JMJD1C: variants seen among roughly 807,000 people sequenced by gnomAD.
The protein encoded by JMJD1C is jumonji domain-containing protein 1C.
JMJD1C carries 31 observed loss-of-function variants against 245.3 expected under a neutral mutation model. The observed-to-expected ratio is 0.13, with a 90% confidence interval of 0.09 to 0.17. JMJD1C has a LOEUF of 0.17. Among genes scored for constraint, JMJD1C ranks in the 10% least tolerant of loss-of-function variants. JMJD1C has a pLI of 1.00. For missense variants in JMJD1C, 2,691 were observed against 3,000.2 expected (o/e 0.90, Z 2.41); for synonymous variants, 1,057 against 1,017.4 (o/e 1.04, Z -0.74).
intron 2 of JMJD1C, among the ~76,000 whole-genome samples, chr10:63,275,005 G>C (rs758035740): frequency 6.6e-6 from 1 of 152,038 alleles, no homozygotes; most frequent in Non-Finnish European, 1.5e-5. Context: ...AGACCAGCCT[G>C]GGCAACATTG....
intron 2 of JMJD1C, among the ~76,000 whole-genome samples, chr10:63,314,707 G>C (rs1229275674): frequency 6.6e-6 from 1 of 151,724 alleles, no homozygotes; most frequent in Admixed American, 6.6e-5. Flanking sequence ...GAGTGTAATG[G>C]TGCGAGCTCA....
intron 3 of JMJD1C, among the ~76,000 whole-genome samples, chr10:63,250,351 G>A (rs188160911): frequency 8.5e-5 from 13 of 152,170 alleles, no homozygotes; most frequent in African/African-American, 2.2e-4. Context: ...AGATAAGTAC[G>A]TATATTTATA....
At chr10:63,427,311 CCT>C in intron 1 of JMJD1C, 1 of 910,042 alleles carries the variant, frequency 1.1e-6, no homozygotes, top group Admixed American at 2.2e-5. Context: ...TGAAGTATTT[CCT>C]GGGCCAGGGC....
intron 2 of JMJD1C, among the ~76,000 whole-genome samples, chr10:63,295,811 T>C (rs1046691230): frequency 6.6e-6 from 1 of 151,794 alleles, no homozygotes; most frequent in Admixed American, 6.6e-5. Context: ...AATGAGCCCC[T>C]TGTCACATTT....
intron 1 of JMJD1C, among the ~76,000 whole-genome samples, chr10:63,388,637 G>T (rs546001016): frequency 6.6e-6 from 1 of 152,108 alleles, no homozygotes; most frequent in Non-Finnish European, 1.5e-5. Flanking sequence ...TTAACAAGAA[G>T]AGAGAAAGGA....
intron 3 of JMJD1C, among the ~76,000 whole-genome samples, chr10:63,221,209 C>T (rs1848565341): frequency 6.6e-6 from 1 of 151,668 alleles, no homozygotes; most frequent in Non-Finnish European, 1.5e-5. Flanking sequence ...AATTTGGCAA[C>T]TTTGAAAAGC....
intron 2 of JMJD1C, among the ~76,000 whole-genome samples, chr10:63,293,655 G>A (rs1859038476): frequency 6.6e-6 from 1 of 152,008 alleles, no homozygotes; most frequent in South Asian, 2.1e-4. Context: ...TCAAAGTAAT[G>A]GCCCAATTAT....
intron 13 of JMJD1C, among the ~76,000 whole-genome samples, chr10:63,195,922 C>CT (rs1411570074): frequency 1.3e-5 from 2 of 148,358 alleles, no homozygotes; most frequent in African/African-American, 5.0e-5. Flanking sequence ...GAGTGAGACT[C>CT]TGTCTCAAAA....
chr10:63,222,186 T>C, intron 3 of JMJD1C: 1 of 753,174 alleles, frequency 1.3e-6, no homozygotes, highest in Non-Finnish European at 2.5e-6. Flanking sequence ...GATATTGTTA[T>C]CAACTTGACT....
chr10:63,301,676 G>C, intron 2 of JMJD1C: 1 of 417,702 alleles, frequency 2.4e-6, no homozygotes, highest in Admixed American at 2.7e-5. Context: ...GACAAGGGGA[G>C]AGAGAGCATT....
At chr10:63,493,729 G>T (rs1339984769) in intron 1 of JMJD1C, among the ~76,000 whole-genome samples, 1 of 152,068 alleles carries the variant, frequency 6.6e-6, no homozygotes, top group Non-Finnish European at 1.5e-5. Context: ...TTCTCTTTTT[G>T]AACATAAATT....
rs4439410 is a variant in JMJD1C, at chr10:63,239,012, C to T, written c.448-19029G>A. 5.9e-5 allele frequency among the ~76,000 whole-genome samples: 9 copies of T among 152,160 alleles called. No homozygotes were observed. The South Asian group carries it at 1.9e-3, about 32-fold the overall frequency. On this transcript the variant is annotated intron_variant, in intron 3 of 25. Coordinates refer to ENST00000399262, the MANE Select transcript of JMJD1C (RefSeq NM_032776.3). ...ACAAAGGTGAGACAAAATGGGTTGG[C>T]GGGTGACCTAGTTAGGTGTGTCAGG...
chr10:63,266,865 A>G (rs1471436967), intron 2 of JMJD1C, among the ~76,000 whole-genome samples: 1 of 152,174 alleles, frequency 6.6e-6, no homozygotes, highest in Non-Finnish European at 1.5e-5. Flanking sequence ...TTATAATATG[A>G]AAAACATTCT....
chr10:63,281,333 G>GTT (rs113174517), intron 2 of JMJD1C, among the ~76,000 whole-genome samples: 26 of 144,248 alleles, frequency 1.8e-4, no homozygotes, highest in African/African-American at 6.6e-4. Flanking sequence ...TTTGTTTTTT[G>GTT]TTTTTTTAGT....
intron 1 of JMJD1C, among the ~76,000 whole-genome samples, chr10:63,455,159 G>A (rs188744315): frequency 4.6e-5 from 7 of 152,262 alleles, no homozygotes; most frequent in South Asian, 2.1e-4. Flanking sequence ...TAGGCTGATC[G>A]GGGCAGGTGT....
At chr10:63,481,958 G>T (rs1289401342) in intron 1 of JMJD1C, among the ~76,000 whole-genome samples, 1 of 152,168 alleles carries the variant, frequency 6.6e-6, no homozygotes, top group Admixed American at 6.5e-5. Flanking sequence ...TCATCTAGAT[G>T]TATGACGAAC....
At chr10:63,383,315 G>C (rs1316915832) in intron 1 of JMJD1C, among the ~76,000 whole-genome samples, 2 of 151,996 alleles carry the variant, frequency 1.3e-5, no homozygotes, top group African/African-American at 4.8e-5. Flanking sequence ...ACTGGTCAAG[G>C]AGTTAACATC....
intron 2 of JMJD1C, among the ~76,000 whole-genome samples, chr10:63,345,755 T>C (rs1163163426): frequency 6.6e-6 from 1 of 152,180 alleles, no homozygotes; most frequent in Non-Finnish European, 1.5e-5. Context: ...CCTGAGTCTA[T>C]GAATTTGCCC....
At chr10:63,179,712 G>A (rs1843242970) in intron 22 of JMJD1C, among the ~76,000 whole-genome samples, 1 of 149,890 alleles carries the variant, frequency 6.7e-6, no homozygotes, top group Admixed American at 6.6e-5. Flanking sequence ...GGTTGAAGCT[G>A]CAGTGAGCTG....
Sources: allele counts gnomAD v4.1 joint callset (sites outside exome capture counted in the v4.1 genomes callset), GRCh38; gene constraint gnomAD v4.1.1; transcripts MANE v1.5; gene names NCBI Gene and HGNC (gene_info 2026-07-23, HGNC 2026-07-21).